Variants in DMRTC1B observed in about 807,000 individuals in gnomAD.
The protein encoded by DMRTC1B is doublesex- and mab-3-related transcription factor C1.
intron 1 of DMRTC1B, among the ~76,000 whole-genome samples, chrX:72,839,269 A>G (rs1450292095): frequency 3.6e-5 from 4 of 111,956 alleles, no homozygotes; most frequent in African/African-American, 1.3e-4. Flanking sequence ...AAATTTAAAT[A>G]TGAACTGTAT....
At chrX:72,792,131 TATC>T (rs2054616928) in intron 1 of DMRTC1B, among the ~76,000 whole-genome samples, 1 of 12,700 alleles carries the variant, frequency 7.9e-5, no homozygotes, top group Non-Finnish European at 1.7e-4. Context: ...GGACATCAAA[TATC>T]ATAACACCAA....
intron 1 of DMRTC1B, among the ~76,000 whole-genome samples, chrX:72,839,545 A>G (rs1202539167): frequency 2.8e-5 from 3 of 107,658 alleles, no homozygotes; most frequent in Admixed American, 9.7e-5. Context: ...AGGAAAATAG[A>G]TTCCTCATAT....
chrX:72,807,701 G>A (rs1264812932), intron 1 of DMRTC1B: 1 of 405,281 alleles, frequency 2.5e-6, no homozygotes. Flanking sequence ...AGTGAGACAG[G>A]CAGAGGCTGG....
rs1277272427 is a variant in DMRTC1B at position 72,814,911 on chromosome X, A to C, written c.-94-30131A>C. Among the ~76,000 whole-genome samples the C allele has an allele frequency of 3.0e-4, 3 of 10,096 alleles. 1 individual carries two copies. Among genetic ancestry groups the C allele is most frequent in the African/African-American group, 3.3e-4 (3 of 9,093 alleles). 8.8% of individuals were successfully genotyped at this position (10,096 alleles called of 115,157 possible). On this transcript the variant is annotated intron_variant, in intron 1 of 6. Coordinates refer to ENST00000334036, the MANE Select transcript of DMRTC1B (RefSeq NM_001386972.1). ...ACTGATTATTTTCCTGTGGTCTTCT[A>C]TTCCCTATTTTTTTTTATTTCTGCT... is the stretch of plus-strand genomic sequence containing the variant.
intron 1 of DMRTC1B, among the ~76,000 whole-genome samples, chrX:72,840,201 AGC>A (rs782587142): frequency 5.3e-4 from 14 of 26,406 alleles, no homozygotes; most frequent in Non-Finnish European, 2.8e-3. Context: ...AGCAAAGCAA[AGC>A]AAAGCAAAGC....
chrX:72,839,463 A>T (rs2054718501), intron 1 of DMRTC1B, among the ~76,000 whole-genome samples: 1 of 113,199 alleles, frequency 8.8e-6, no homozygotes. Context: ...CAATGAGACA[A>T]CGTGAATCTA....
At chrX:72,802,747 AT>A (rs1188503380) in intron 1 of DMRTC1B, among the ~76,000 whole-genome samples, 2 of 34,156 alleles carry the variant, frequency 5.9e-5, no homozygotes, top group East Asian at 8.5e-4. Context: ...AGAGCTGTGT[AT>A]TATGAGACAA....
At chrX:72,839,251 A>G (rs2054716975) in intron 1 of DMRTC1B, among the ~76,000 whole-genome samples, 1 of 112,339 alleles carries the variant, frequency 8.9e-6, no homozygotes, top group Non-Finnish European at 1.9e-5. Context: ...TTATTGGGAC[A>G]TTTGGTGAAA....
At chrX:72,820,668 G>A (rs1207163558) in intron 1 of DMRTC1B, among the ~76,000 whole-genome samples, 61 of 74,805 alleles carry the variant, frequency 8.2e-4, no homozygotes, top group African/African-American at 2.9e-3. Flanking sequence ...ACAGGCGCCC[G>A]CCACCTCGCC....
rs782622979 is a variant in DMRTC1B, at chrX:72,848,236, C to T, written c.467-27C>T. 2.5e-4 allele frequency: 20 copies of T among 78,647 alleles called. 1 individual carries two copies. The highest frequency in any genetic ancestry group is 6.7e-4 in the East Asian group (19 of 28,466). 6.5% of individuals were successfully genotyped at this position (78,647 alleles called of 1,213,427 possible). ...GGAAGGGGATGTGGATGTGACCTGGCTCTGGCCCCTTCCTTTCTGTCCACA... is the reference window on the plus strand; with the variant it reads ...GGAAGGGGATGTGGATGTGACCTGGTTCTGGCCCCTTCCTTTCTGTCCACA... On this transcript the variant is annotated intron_variant, in intron 6 of 6. Coordinates refer to ENST00000334036, the MANE Select transcript of DMRTC1B (RefSeq NM_001386972.1).
chrX:72,820,737 C>G (rs2054693135), intron 1 of DMRTC1B, among the ~76,000 whole-genome samples: 1 of 77,440 alleles, frequency 1.3e-5, no homozygotes, highest in African/African-American at 4.8e-5. Flanking sequence ...CCAGGATGGT[C>G]TCGATCTCCT....
intron 1 of DMRTC1B, among the ~76,000 whole-genome samples, chrX:72,839,219 C>A (rs1439228815): frequency 1.8e-5 from 2 of 112,434 alleles, no homozygotes; most frequent in African/African-American, 6.7e-5. Flanking sequence ...GTTGATCCCC[C>A]AAAACGTCTT....
intron 1 of DMRTC1B, among the ~76,000 whole-genome samples, chrX:72,790,550 G>A (rs1290458418): frequency 8.7e-6 from 1 of 114,717 alleles, no homozygotes; most frequent in Non-Finnish European, 1.9e-5. Flanking sequence ...CACCACACCT[G>A]CTCCTGCACC....
intron 1 of DMRTC1B, among the ~76,000 whole-genome samples, chrX:72,820,646 G>A (rs1236024684): frequency 1.2e-5 from 1 of 82,232 alleles, no homozygotes; most frequent in Admixed American, 1.4e-4. Context: ...AGCCTCCCGA[G>A]TAGCTGGGAC....
intron 1 of DMRTC1B, among the ~76,000 whole-genome samples, chrX:72,804,974 GAGA>G (rs2054651778): frequency 1.1e-5 from 1 of 90,176 alleles, no homozygotes; most frequent in Non-Finnish European, 2.3e-5. Context: ...GTAAGCAAAG[GAGA>G]AGAACTCATA....
At chrX:72,840,141 AAG>A (rs1168126055) in intron 1 of DMRTC1B, among the ~76,000 whole-genome samples, 849 of 40,153 alleles carry the variant, frequency 0.021, 109 homozygotes, top group African/African-American at 0.057. Context: ...AAAAAAAAAA[AAG>A]AAAGAAAGAA....
chrX:72,848,060 C>T (rs1250700785), intron 6 of DMRTC1B, among the ~76,000 whole-genome samples: 3 of 7,833 alleles, frequency 3.8e-4, no homozygotes, highest in African/African-American at 5.5e-4. Context: ...ATTTCAGAGA[C>T]CCTGAGCTTG....
intron 1 of DMRTC1B, among the ~76,000 whole-genome samples, chrX:72,820,672 C>A (rs1556348326): frequency 2.7e-5 from 2 of 74,888 alleles, no homozygotes; most frequent in Non-Finnish European, 4.9e-5. Flanking sequence ...GCGCCCGCCA[C>A]CTCGCCCGGC....
intron 1 of DMRTC1B, among the ~76,000 whole-genome samples, chrX:72,815,630 CT>C (rs782089848): frequency 1.0e-4 from 10 of 99,270 alleles, no homozygotes; most frequent in African/African-American, 2.4e-4. Flanking sequence ...TTTTTCTCCT[CT>C]TTTTTTTTTT....
Sources: allele counts gnomAD v4.1 joint callset (sites outside exome capture counted in the v4.1 genomes callset), GRCh38; gene constraint gnomAD v4.1.1; transcripts MANE v1.5; gene names NCBI Gene and HGNC (gene_info 2026-07-23, HGNC 2026-07-21).